Variants in ONECUT3 observed in about 807,000 individuals in gnomAD.
The protein encoded by ONECUT3 is one cut homeobox 3, also known as one cut domain family member 3.
ONECUT3 carries 11 observed loss-of-function variants against 16.8 expected under a neutral mutation model. The ratio of observed to expected loss-of-function variants is 0.66; its 90% CI spans 0.41 to 1.09. ONECUT3 has a LOEUF of 1.09. Ranked by LOEUF, ONECUT3 falls within the 50% of genes least tolerant of loss-of-function variation. The pLI is 0.00. For synonymous variants in ONECUT3, 344 were observed against 310.7 expected (o/e 1.11, Z -1.13); for missense variants, 637 against 629.9 (o/e 1.01, Z -0.12).
rs1393419415 is a variant in ONECUT3, at chr19:1,755,218, T to C, written c.1192+364T>C. 1.3e-5 allele frequency among the ~76,000 whole-genome samples: 2 copies of C among 151,610 alleles called. No homozygotes were observed. The highest frequency in any genetic ancestry group is 2.4e-5 in the African/African-American group (1 of 41,214). On this transcript the variant is annotated intron_variant, in intron 1 of 1. Transcript: ENST00000382349. The surrounding 1 kb of genome is among the most constrained non-coding windows in gnomAD (Gnocchi z 7.5). ...GCGTGTGTGTGTGTGAGCGCGCGCC[T>C]GTTGGGGGGAGCTGTGTCCCCGAAC...
At chr19:1,765,702 G>A (rs574088419) in intron 1 of ONECUT3, among the ~76,000 whole-genome samples, 4 of 152,334 alleles carry the variant, frequency 2.6e-5, no homozygotes, top group Admixed American at 1.3e-4. Flanking sequence ...GGGACACAGG[G>A]CTCTGGGTCA....
At chr19:1,756,102 C>G (rs763663381) in intron 1 of ONECUT3, among the ~76,000 whole-genome samples, 1 of 152,138 alleles carries the variant, frequency 6.6e-6, no homozygotes, top group Non-Finnish European at 1.5e-5. Context: ...CCAGGCAGCC[C>G]GTCCAGGCAG....
chr19:1,774,859 A>C (rs1280251018), intron 1 of ONECUT3, among the ~76,000 whole-genome samples: 1 of 120,338 alleles, frequency 8.3e-6, no homozygotes, highest in African/African-American at 3.3e-5. Flanking sequence ...TTCTGTCTCC[A>C]CCGCCCTCTG....
At chr19:1,767,905 G>C (rs2068007840) in intron 1 of ONECUT3, among the ~76,000 whole-genome samples, 1 of 152,134 alleles carries the variant, frequency 6.6e-6, no homozygotes, top group Non-Finnish European at 1.5e-5. Flanking sequence ...TCTCCTCCCA[G>C]GGCCCCGGGG....
rs2068143364 is a variant in ONECUT3 at position 1,780,002 on chromosome 19, CA to C, written c.*4558del. ...ATCTTAGACCCCCCCAACCCCCCAT[CA>C]CCCGGTTGCTTTCACTCTAGCATGA... is the stretch of plus-strand genomic sequence containing the variant. On this transcript the variant is annotated 3_prime_UTR_variant, in exon 2 of 2. Coordinates refer to ENST00000382349, the MANE Select transcript of ONECUT3 (RefSeq NM_001080488.2). 6.5e-6 allele frequency: 1 copy of C among 153,156 alleles called. No homozygotes were observed. The highest frequency in any genetic ancestry group is 1.4e-5 in the Non-Finnish European group (1 of 69,088). The allele number at this position is 153,156 out of a possible 1,614,324, so 9.5% of individuals were successfully genotyped here.
rs998440693 is a variant in ONECUT3, at chr19:1,762,641, C to T, written c.1192+7787C>T. Among the ~76,000 whole-genome samples the T allele has an allele frequency of 1.1e-3, 165 of 152,360 alleles. 1 individual carries two copies. Among genetic ancestry groups the T allele is most frequent in the African/African-American group, 3.8e-3 (157 of 41,588 alleles). ...ACGCACGTGCCCCGGCGCCAGGAGA[C>T]CCGGGACCCGGGACCACGCGCCCGC... On this transcript the variant is annotated intron_variant, in intron 1 of 1. Transcript: ENST00000382349. The surrounding 1 kb of genome is among the most constrained non-coding windows in gnomAD (Gnocchi z 4.4).
chr19:1,763,383 A>AAAAAAAAAAC, intron 1 of ONECUT3, among the ~76,000 whole-genome samples: 1 of 131,600 alleles, frequency 7.6e-6, no homozygotes, highest in Non-Finnish European at 1.5e-5. Context: ...AAAAAAAAAA[A>AAAAAAAAAAC]AAAAAAAAAA....
At chr19:1,768,132 T>A (rs1316311743) in intron 1 of ONECUT3, among the ~76,000 whole-genome samples, 7 of 151,782 alleles carry the variant, frequency 4.6e-5, no homozygotes, top group Non-Finnish European at 7.4e-5. Flanking sequence ...AAACCCTCAC[T>A]CAATGGGGCC....
chr19:1,763,225 G>T (rs2067955833), intron 1 of ONECUT3, among the ~76,000 whole-genome samples: 3 of 151,750 alleles, frequency 2.0e-5, no homozygotes, highest in South Asian at 2.1e-4. Flanking sequence ...TTAGCCGGGC[G>T]TGGTGGCACA....
chr19:1,756,428 G>A lies in ONECUT3; in HGVS notation c.1192+1574G>A, dbSNP rs975119810. On this transcript the variant is annotated intron_variant, in intron 1 of 1. Coordinates refer to ENST00000382349, the MANE Select transcript of ONECUT3 (RefSeq NM_001080488.2). ...CTCCCCTCCCCATGACACATACAGCGGCACTCGTGCGCTCACCATAGACCG... is the reference window on the plus strand; with the variant it reads ...CTCCCCTCCCCATGACACATACAGCAGCACTCGTGCGCTCACCATAGACCG... 2.0e-5 allele frequency among the ~76,000 whole-genome samples: 3 copies of A among 152,292 alleles called. No individual in the cohort carries two copies. In the East Asian group the frequency reaches 5.8e-4, roughly 29 times the overall value.
At chr19:1,761,115 C>G (rs1447103157) in intron 1 of ONECUT3, among the ~76,000 whole-genome samples, 1 of 145,188 alleles carries the variant, frequency 6.9e-6, no homozygotes, top group African/African-American at 2.5e-5. Flanking sequence ...TGCAGTGGCG[C>G]AACCTCGGCT....
In ONECUT3 at chr19:1,775,050, C is replaced by T. The variant is rs925326752; in HGVS notation, c.1193-103C>T. ...CTTTCCCCAACGTGTCCCTTCTCCC[C>T]TCCTCCTCATCCTCCGGGCGGCGTG... On this transcript the variant is annotated intron_variant, in intron 1 of 1. Transcript: ENST00000382349. 15 of 703,214 alleles carry T rather than the reference C, an allele frequency of 2.1e-5. No homozygotes were observed. In the African/African-American group the frequency reaches 2.8e-4, roughly 13 times the overall value. The allele number at this position is 703,214 out of a possible 1,614,324, so 43.6% of individuals were successfully genotyped here. A position where few individuals can be genotyped will look rare whatever the true frequency, so the allele number is the denominator to read the frequency against.
chr19:1,754,093 A>G lies in ONECUT3; in HGVS notation c.431A>G (p.His144Arg), dbSNP rs905803909. 2.0e-6 allele frequency: 2 copies of G among 1,005,802 alleles called. No individual in the cohort carries two copies. Among genetic ancestry groups the G allele is most frequent in the African/African-American group, 3.6e-5 (2 of 55,990 alleles). The allele number at this position is 1,005,802 out of a possible 1,614,324, so 62.3% of individuals were successfully genotyped here. ...GCGCACGGCGGCCATCCCCACGCGC[A>G]CCCGCACCCGGCGGCCGCGCCGCCC... ...AGAHGGHPHA[H>R]PHPAAAPPPP... The change falls in exon 1 of 2, where the codon CAC becomes CGC. Residue 144 changes from histidine to arginine, a missense_variant. Around this residue, in one of 3 missense-constraint regions of ONECUT3, gnomAD observed 419 missense variants for 377.9 expected, o/e 1.11. Coordinates refer to ENST00000382349, the MANE Select transcript of ONECUT3 (RefSeq NM_001080488.2). This position sits in a 1 kb window ranked among gnomAD's most constrained non-coding sequence, Gnocchi z 7.4.
Position 1,775,254 on chromosome 19 carries a change from A to G in ONECUT3, c.1294A>G (p.Ile432Val). Reference protein sequence around the residue: ...TDLQRRTLIAIFKENKRPSKE... With the variant: ...TDLQRRTLIAVFKENKRPSKE... ...CCTGCAGCGACGCACGCTGATCGCC[A>G]TCTTCAAGGAGAACAAGCGGCCGTC... is the stretch of plus-strand genomic sequence containing the variant. Residue 432 changes from isoleucine (I) to valine (V), a missense_variant, in exon 2 of 2, where the codon ATC becomes GTC. By Grantham distance (29) the Ile-to-Val change is conservative. Around this residue, in one of 3 missense-constraint regions of ONECUT3, gnomAD observed 183 missense variants for 188.3 expected, o/e 0.97. Coordinates refer to ENST00000382349, the MANE Select transcript of ONECUT3 (RefSeq NM_001080488.2). 6.3e-7 allele frequency: 1 copy of G among 1,599,058 alleles called. No homozygotes were observed. Among genetic ancestry groups the G allele is most frequent in the Non-Finnish European group, 8.5e-7 (1 of 1,172,928 alleles).
rs371508351 is a variant in ONECUT3 at position 1,764,704 on chromosome 19, G to T, written c.1192+9850G>T. Among the ~76,000 whole-genome samples, 893 of 152,104 alleles carry T rather than the reference G, an allele frequency of 5.9e-3. 8 individuals are homozygous for T. The highest frequency in any genetic ancestry group is 0.017 in the South Asian group (81 of 4,812). On this transcript the variant is annotated intron_variant, in intron 1 of 1. Transcript: ENST00000382349. The surrounding 1 kb of genome is among the most constrained non-coding windows in gnomAD (Gnocchi z 5.0). ...AGCTCCCCGAGGGGTGCAGGGTGTA[G>T]ACAGAGGGTGTAGGTATGTGACCCG...
intron 1 of ONECUT3, among the ~76,000 whole-genome samples, chr19:1,756,712 T>A (rs1252477913): frequency 6.8e-6 from 1 of 146,580 alleles, no homozygotes; most frequent in Non-Finnish European, 1.5e-5. Context: ...TTTTTTTTTT[T>A]TTTTTTTGTA....
At chr19:1,757,538 TCTGCCGGGTCCG>T (rs1815065369) in intron 1 of ONECUT3, among the ~76,000 whole-genome samples, 2 of 152,150 alleles carry the variant, frequency 1.3e-5, no homozygotes, top group African/African-American at 4.8e-5. Flanking sequence ...CCGCCTGCTC[TCTGCCGGGTCCG>T]CTGCCCACGC....
intron 1 of ONECUT3, among the ~76,000 whole-genome samples, chr19:1,767,680 C>T (rs750259994): frequency 2.0e-5 from 3 of 152,126 alleles, no homozygotes; most frequent in Non-Finnish European, 4.4e-5. Context: ...GCCACATCCC[C>T]GGGACCTCCC....
At position 1,775,297 on chromosome 19, in the gene ONECUT3, C is replaced by T; in HGVS notation, c.1337C>T (p.Thr446Ile). 6.2e-7 allele frequency: 1 copy of T among 1,605,624 alleles called. No individual in the cohort carries two copies. The highest frequency in any genetic ancestry group is 8.5e-7 in the Non-Finnish European group (1 of 1,176,058). The change falls in exon 2 of 2, where the codon ACC becomes ATC. Residue 446 changes from threonine to isoleucine, a missense_variant. Thr to Ile is a moderately conservative substitution (Grantham distance 89). Around this residue, in one of 3 missense-constraint regions of ONECUT3, gnomAD observed 183 missense variants for 188.3 expected, o/e 0.97. Transcript: ENST00000382349. ...CGGCCGTCCAAGGAGATGCAGGTCACCATCTCGCAGCAGCTCGGCTTGGAG... is the reference window on the plus strand; with the variant it reads ...CGGCCGTCCAAGGAGATGCAGGTCATCATCTCGCAGCAGCTCGGCTTGGAG... Reference protein sequence around the residue: ...NKRPSKEMQVTISQQLGLELN... With the variant: ...NKRPSKEMQVIISQQLGLELN...
Sources: gnomAD v4.1 joint callset for allele counts (sites outside exome capture counted in the v4.1 genomes callset) on GRCh38, gnomAD v4.1.1 for gene constraint, gnomAD v4.1.1 regional missense constraint, Gnocchi (gnomAD v3.1) non-coding constraint, MANE v1.5 for transcripts, NCBI Gene and HGNC (gene_info 2026-07-23, HGNC 2026-07-21) for gene names.